DOCK9: variants seen among roughly 807,000 people sequenced by gnomAD.
DOCK9 encodes dedicator of cytokinesis protein 9.
In DOCK9, 89 loss-of-function variants were observed where a neutral mutation model predicts 263.3. The observed-to-expected ratio is 0.34, with a 90% CI of 0.28 to 0.40. The LOEUF (loss-of-function observed/expected upper bound fraction) is 0.40. DOCK9 is among the 10% of genes least tolerant of loss of function. DOCK9 has a pLI of 1.00. For synonymous variants in DOCK9, 976 were observed against 973.1 expected (o/e 1.00, Z -0.06); for missense variants, 2,140 against 2,603.4 (o/e 0.82, Z 3.87).
intron 1 of DOCK9, among the ~76,000 whole-genome samples, chr13:99,049,729 G>A (rs1323297329): frequency 1.3e-5 from 2 of 152,102 alleles, no homozygotes; most frequent in Non-Finnish European, 2.9e-5. Context: ...TGTTGCCCAG[G>A]CTGGTCTTGA....
At chr13:98,940,960 A>G (rs1274430287) in intron 2 of DOCK9, among the ~76,000 whole-genome samples, 3 of 152,174 alleles carry the variant, frequency 2.0e-5, no homozygotes, top group African/African-American at 7.2e-5. Context: ...TGCCACCAGA[A>G]TAAAATCCAA....
At chr13:99,081,519 C>T (rs928562112) in intron 1 of DOCK9, among the ~76,000 whole-genome samples, 1 of 152,174 alleles carries the variant, frequency 6.6e-6, no homozygotes, top group African/African-American at 2.4e-5. Flanking sequence ...GTAAGGAAGC[C>T]GGGCAGCCAG....
At chr13:99,088,587 C>T (rs963770303), upstream of DOCK9, 1 of 152,060 alleles carries the variant, frequency 6.6e-6, no homozygotes, top group Non-Finnish European at 1.5e-5. Context: ...ACAAGGCGAA[C>T]AATTTTGTCT....
At chr13:98,868,209 C>A in intron 28 of DOCK9, 22 bp downstream of exon 28, 1 of 1,613,074 alleles carries the variant, frequency 6.2e-7, no homozygotes, top group Admixed American at 1.7e-5. Flanking sequence ...TAACTGATAT[C>A]CTCTTCCCTG....
rs112176258 is a variant in DOCK9 at position 98,948,411 on chromosome 13, T to C, written c.243+7024A>G. On this transcript the variant is annotated intron_variant, in intron 2 of 52. Transcript: ENST00000682017. The stretch of plus-strand genomic sequence containing the variant: ...ATAGGTAATACACCATGAATATCAG[T>C]GGGAAAAGCACCTAAGGACTCACTC... Among the ~76,000 whole-genome samples the C allele has an allele frequency of 2.9e-3, 439 of 152,320 alleles. 1 individual carries two copies. Among genetic ancestry groups the C allele is most frequent in the African/African-American group, 9.6e-3 (399 of 41,570 alleles).
Position 98,794,442 on chromosome 13 carries a change from A to G in DOCK9, c.*184T>C, listed in dbSNP as rs1436666527. ...AATATTGCCAGTGAGATTTAAAAAA[A>G]TATGTGCACCTTCTTACAACTCCTA... On this transcript the variant is annotated 3_prime_UTR_variant, in exon 53 of 53. Coordinates refer to ENST00000682017, the MANE Select transcript of DOCK9 (RefSeq NM_001366683.2). 1 of 639,550 alleles carries G rather than the reference A, an allele frequency of 1.6e-6. No homozygotes were observed. The highest frequency in any genetic ancestry group is 1.9e-5 in the African/African-American group (1 of 53,932). The allele number at this position is 639,550 out of a possible 1,614,324, so 39.6% of individuals were successfully genotyped here. A position where few individuals can be genotyped will look rare whatever the true frequency, so the allele number is the denominator to read the frequency against.
At chr13:99,052,136 T>C (rs550039926) in intron 1 of DOCK9, among the ~76,000 whole-genome samples, 97 of 152,320 alleles carry the variant, frequency 6.4e-4, no homozygotes, top group African/African-American at 2.2e-3. Flanking sequence ...CTATCAGAGC[T>C]GGGGGCTTCT....
chr13:99,069,326 C>A (rs529410630), intron 1 of DOCK9, among the ~76,000 whole-genome samples: 1 of 152,240 alleles, frequency 6.6e-6, no homozygotes, highest in East Asian at 1.9e-4. Context: ...TCCTAATACC[C>A]CTTAAACAGA....
Position 98,914,415 on chromosome 13 carries a change from T to TA in DOCK9, c.893-21dup. 2 of 1,597,256 alleles carry TA rather than the reference T, an allele frequency of 1.3e-6. No individual in the cohort carries two copies. Among genetic ancestry groups the TA allele is most frequent in the East Asian group, 4.5e-5 (2 of 44,450 alleles). ...CATCATCTAAAATGGCAAAACAGAT[T>TA]ATCGGAATCACTTGTAATTCATAGC... On this transcript the variant is annotated intron_variant, in intron 8 of 52. Transcript: ENST00000682017.
At chr13:99,038,022 T>C (rs1888069233) in intron 1 of DOCK9, among the ~76,000 whole-genome samples, 1 of 152,212 alleles carries the variant, frequency 6.6e-6, no homozygotes, top group Admixed American at 6.5e-5. Flanking sequence ...AATGTGGTAA[T>C]GGTTTTACAG....
At chr13:98,935,836 G>A (rs1430137996) in intron 2 of DOCK9, among the ~76,000 whole-genome samples, 1 of 152,070 alleles carries the variant, frequency 6.6e-6, no homozygotes, top group Non-Finnish European at 1.5e-5. Context: ...TGGGGGAGGG[G>A]AGGACTACCA....
intron 1 of DOCK9, among the ~76,000 whole-genome samples, chr13:99,001,445 G>T (rs1161344352): frequency 6.6e-6 from 1 of 152,180 alleles, no homozygotes; most frequent in African/African-American, 2.4e-5. Flanking sequence ...ATCACAGACT[G>T]GGGCCCTCAT....
rs545854627 is a variant in DOCK9 at position 99,013,952 on chromosome 13, C to A, written c.130-58401G>T. The stretch of plus-strand genomic sequence containing the variant: ...TGAGAGGGCGCATCTTTCCATCCAG[C>A]AGCACCTCTGCCACATGCACAGACG... On this transcript the variant is annotated intron_variant, in intron 1 of 32. Coordinates refer to the DOCK9 transcript ENST00000427887. Among the ~76,000 whole-genome samples, 18 of 152,300 alleles carry A rather than the reference C, an allele frequency of 1.2e-4. No homozygotes were observed. In the South Asian group the frequency reaches 3.7e-3, roughly 32 times the overall value.
chr13:98,877,445 G>C (rs1168684874), intron 27 of DOCK9, among the ~76,000 whole-genome samples: 1 of 152,118 alleles, frequency 6.6e-6, no homozygotes. Context: ...TTACCTCCCT[G>C]ACCATCTTTC....
At chr13:98,811,618 G>A (rs1200283029) in intron 45 of DOCK9, among the ~76,000 whole-genome samples, 1 of 152,156 alleles carries the variant, frequency 6.6e-6, no homozygotes, top group Non-Finnish European at 1.5e-5. Context: ...TGCCATGCTG[G>A]CAAGGCTGAT....
chr13:98,816,328 C>T (rs749464537), intron 45 of DOCK9, among the ~76,000 whole-genome samples: 1 of 152,010 alleles, frequency 6.6e-6, no homozygotes, highest in Non-Finnish European at 1.5e-5. Flanking sequence ...CCAGAAGAGA[C>T]GTGATATACA....
chr13:99,033,682 A>C (rs373787542), intron 1 of DOCK9, among the ~76,000 whole-genome samples: 1 of 152,206 alleles, frequency 6.6e-6, no homozygotes, highest in East Asian at 1.9e-4. Flanking sequence ...ACAGTGATAA[A>C]AGTGAGGACA....
chr13:99,086,083 G>C, intron 1 of DOCK9: 10 of 1,266,528 alleles, frequency 7.9e-6, no homozygotes, highest in Non-Finnish European at 1.0e-5. Context: ...CCTCCCGCCG[G>C]CCCCACCTCT....
chr13:98,924,916 G>C (rs185633379), intron 4 of DOCK9, among the ~76,000 whole-genome samples: 25 of 151,238 alleles, frequency 1.7e-4, no homozygotes, highest in Admixed American at 1.4e-3. Context: ...TGTAATCCCA[G>C]CACTTTGGGA....
Sources: allele counts gnomAD v4.1 joint callset (sites outside exome capture counted in the v4.1 genomes callset), GRCh38; gene constraint gnomAD v4.1.1; transcripts MANE v1.5; gene names NCBI Gene and HGNC (gene_info 2026-07-23, HGNC 2026-07-21).